SESTD1: variants seen among roughly 807,000 people sequenced by gnomAD.
SESTD1 encodes the protein SEC14 and spectrin domain containing 1, also known as SEC14 domain and spectrin repeat-containing protein 1.
SESTD1 carries 43 observed loss-of-function variants against 101.7 expected under a neutral mutation model. That is an observed-to-expected ratio of 0.42 (90% CI 0.33 to 0.55). SESTD1 has a LOEUF of 0.55. Among genes scored for constraint, SESTD1 ranks in the 20% least tolerant of loss-of-function variants. SESTD1 has a pLI of 0.07. For missense variants in SESTD1, 647 were observed against 815.1 expected (o/e 0.79, Z 2.51); for synonymous variants, 283 against 286.8 (o/e 0.99, Z 0.13).
chr2:179,155,472 C>T (rs550335169), intron 5 of SESTD1, among the ~76,000 whole-genome samples: 6 of 151,972 alleles, frequency 3.9e-5, no homozygotes, highest in South Asian at 2.1e-4. Context: ...AAATGCAGGC[C>T]GGGCATGGTG....
At chr2:179,231,950 G>C (rs1327473575) in intron 1 of SESTD1, among the ~76,000 whole-genome samples, 2 of 151,814 alleles carry the variant, frequency 1.3e-5, no homozygotes, top group African/African-American at 4.8e-5. Flanking sequence ...CTTTTAAAAA[G>C]CAGAAACTAC....
intron 5 of SESTD1, among the ~76,000 whole-genome samples, chr2:179,155,150 A>T (rs951871684): frequency 2.0e-5 from 3 of 151,852 alleles, no homozygotes; most frequent in African/African-American, 7.3e-5. Flanking sequence ...TCCTGACCTC[A>T]AGTGATCCAC....
rs2044310309 is a variant in SESTD1 at position 179,103,239 on chromosome 2, T to C, written c.*6660A>G. On this transcript the variant is annotated 3_prime_UTR_variant, in exon 18 of 18. Coordinates refer to ENST00000428443, the MANE Select transcript of SESTD1 (RefSeq NM_178123.5). ...CTTTGCTTTCCTCAGATAGTTCCAA[T>C]TGTCATCCTTGACCATGAACAATGC... The C allele has an allele frequency of 1.3e-5, 2 of 152,254 alleles. No homozygotes were observed. Among genetic ancestry groups the C allele is most frequent in the East Asian group, 1.9e-4 (1 of 5,186 alleles). The allele number at this position is 152,254 out of a possible 1,614,324, so 9.4% of individuals were successfully genotyped here.
chr2:179,249,072 C>T (rs972880256), intron 1 of SESTD1, among the ~76,000 whole-genome samples: 1 of 132,748 alleles, frequency 7.5e-6, no homozygotes, highest in African/African-American at 2.9e-5. Flanking sequence ...GCCTGGGTGA[C>T]AGAGTGAGAT....
chr2:179,187,908 C>T (rs1472194813), intron 2 of SESTD1, among the ~76,000 whole-genome samples: 1 of 152,044 alleles, frequency 6.6e-6, no homozygotes, highest in Non-Finnish European at 1.5e-5. Context: ...CACATGCACC[C>T]AACATTGAAG....
intron 1 of SESTD1, among the ~76,000 whole-genome samples, chr2:179,195,371 G>A (rs1287942771): frequency 2.6e-5 from 4 of 152,192 alleles, no homozygotes; most frequent in Admixed American, 6.5e-5. Flanking sequence ...TGTGAAGAAG[G>A]TGTCTGCTTC....
chr2:179,116,939 A>G (rs1183376400), intron 14 of SESTD1, 149 bp from the exon 15 acceptor site: 6 of 1,127,138 alleles, frequency 5.3e-6, no homozygotes, highest in Non-Finnish European at 7.3e-6. Flanking sequence ...TTCAATGATA[A>G]GCTACATGAA....
chr2:179,249,574 G>T (rs923863611), intron 1 of SESTD1, among the ~76,000 whole-genome samples: 4 of 152,028 alleles, frequency 2.6e-5, no homozygotes, highest in Non-Finnish European at 5.9e-5. Context: ...CTATAGAAAC[G>T]TGTCAATTCT....
At position 179,206,817 on chromosome 2, in the gene SESTD1, T is replaced by C. The variant is rs2046596680; in HGVS notation, c.-25-14951A>G. On this transcript the variant is annotated intron_variant, in intron 1 of 17. Transcript: ENST00000428443. ...AGGCTTGTACCTGAGGGCAAGACCCTAGCCCTGCTCTCTGGCTGTCTGGAT... is the reference window on the plus strand; with the variant it reads ...AGGCTTGTACCTGAGGGCAAGACCCCAGCCCTGCTCTCTGGCTGTCTGGAT... Among the ~76,000 whole-genome samples, 3 of 134,124 alleles carry C rather than the reference T, an allele frequency of 2.2e-5. 1 individual carries two copies. The highest frequency in any genetic ancestry group is 4.8e-5 in the Non-Finnish European group (3 of 62,588). 88.0% of individuals were successfully genotyped at this position (134,124 alleles called of 152,430 possible).
At chr2:179,264,091 C>T (rs908992104) in intron 1 of SESTD1, 4 of 152,280 alleles carry the variant, frequency 2.6e-5, no homozygotes, top group African/African-American at 9.6e-5. Flanking sequence ...AAGAGACCCG[C>T]TGGAAAATAA....
chr2:179,211,008 A>G (rs1008479713), intron 1 of SESTD1, among the ~76,000 whole-genome samples: 1 of 133,432 alleles, frequency 7.5e-6, no homozygotes, highest in Non-Finnish European at 1.6e-5. Context: ...AATCAGTAGC[A>G]CTGCTACACA....
intron 1 of SESTD1, among the ~76,000 whole-genome samples, chr2:179,259,442 CTGGTCT>C (rs1225126455): frequency 6.6e-6 from 1 of 152,130 alleles, no homozygotes; most frequent in Non-Finnish European, 1.5e-5. Context: ...CTTGGCCAGG[CTGGTCT>C]TGAACTCCTG....
chr2:179,236,182 T>G (rs2047062994), intron 1 of SESTD1, among the ~76,000 whole-genome samples: 1 of 151,922 alleles, frequency 6.6e-6, no homozygotes, highest in South Asian at 2.1e-4. Flanking sequence ...CAAATAGCGT[T>G]TATTACAATG....
At chr2:179,159,679 T>G (rs908127447) in intron 5 of SESTD1, among the ~76,000 whole-genome samples, 1 of 152,228 alleles carries the variant, frequency 6.6e-6, no homozygotes, top group South Asian at 2.1e-4. Flanking sequence ...TACAAAATAC[T>G]GGTAGGGCTT....
chr2:179,197,957 C>T lies in SESTD1; in HGVS notation c.-25-6091G>A, dbSNP rs538388907. On this transcript the variant is annotated intron_variant, in intron 1 of 17. Coordinates refer to ENST00000428443, the MANE Select transcript of SESTD1 (RefSeq NM_178123.5). The stretch of plus-strand genomic sequence containing the variant: ...ATGACAGGATCAAATTCACACATAA[C>T]AATATTAACTTTAAATGTAAATGGA... 2.0e-5 allele frequency among the ~76,000 whole-genome samples: 3 copies of T among 151,670 alleles called. No individual in the cohort carries two copies. The South Asian group carries it at 6.3e-4, about 32-fold the overall frequency.
chr2:179,166,799 C>G (rs1374020126), intron 5 of SESTD1, among the ~76,000 whole-genome samples: 1 of 152,180 alleles, frequency 6.6e-6, no homozygotes, highest in Non-Finnish European at 1.5e-5. Context: ...CAAAGTAACT[C>G]TAGAGAAATG....
At position 179,124,402 on chromosome 2, in the gene SESTD1, A is replaced by C; in HGVS notation, c.1129T>G (p.Leu377Val). 1 of 1,614,096 alleles carries C rather than the reference A, an allele frequency of 6.2e-7. No individual in the cohort carries two copies. Among genetic ancestry groups the C allele is most frequent in the Non-Finnish European group, 8.5e-7 (1 of 1,179,974 alleles). ...ASQLEFRQNL[L>V]QAALEFHGVA... ...CCATGAAATTCAAGAGCTGCTTGTA[A>C]GAGATTTTGCCTAAATTCCAGCTGA... Residue 377 changes from leucine to valine, a missense_variant, in exon 11 of 18, where the codon TTA becomes GTA. Leu to Val is a conservative substitution (Grantham distance 32). Transcript: ENST00000428443.
chr2:179,253,307 T>C (rs2047345466), intron 1 of SESTD1, among the ~76,000 whole-genome samples: 2 of 152,192 alleles, frequency 1.3e-5, no homozygotes, highest in South Asian at 4.1e-4. Context: ...AATCTTGTTT[T>C]CTAGATGGTT....
At chr2:179,191,087 C>T (rs1049626452) in intron 2 of SESTD1, among the ~76,000 whole-genome samples, 7 of 152,080 alleles carry the variant, frequency 4.6e-5, no homozygotes, top group African/African-American at 7.2e-5. Context: ...ATATATCCAA[C>T]GGAAAATAAA....
Sources: gnomAD v4.1 joint callset for allele counts (sites outside exome capture counted in the v4.1 genomes callset) on GRCh38, gnomAD v4.1.1 for gene constraint, MANE v1.5 for transcripts, NCBI Gene and HGNC (gene_info 2026-07-23, HGNC 2026-07-21) for gene names.